The following TMEM132D variants were observed in gnomAD, a reference collection of about 807,000 sequenced individuals.
The protein encoded by TMEM132D is mature OL transmembrane protein.
In TMEM132D, 21 loss-of-function variants were observed where a neutral mutation model predicts 62.3. That is an observed-to-expected ratio of 0.34 (90% CI 0.24 to 0.49). TMEM132D has a LOEUF of 0.49. Ranked by LOEUF, TMEM132D falls within the 20% of genes least tolerant of loss-of-function variation. The probability of loss-of-function intolerance (pLI) is 0.99; values close to 1 mark genes in which losing one functional copy is unlikely to be tolerated. For missense variants in TMEM132D, 1,346 were observed against 1,402.8 expected, an observed-to-expected ratio of 0.96 and a Z score of 0.65; for synonymous variants, 621 against 575.6, an observed-to-expected ratio of 1.08 and a Z score of -1.13.
At chr12:129,693,157 T>G (rs1881103912) in intron 2 of TMEM132D, among the ~76,000 whole-genome samples, 1 of 152,244 alleles carries the variant, frequency 6.6e-6, no homozygotes, top group Non-Finnish European at 1.5e-5. Flanking sequence ...AACTAGATGC[T>G]TACTCACTAA....
intron 1 of TMEM132D, among the ~76,000 whole-genome samples, chr12:129,769,977 A>T (rs118001111): frequency 0.02 from 3,079 of 151,894 alleles, 152 homozygotes; most frequent in East Asian, 0.15. Context: ...CACCCGACGA[A>T]CGTTCTTTTA....
At chr12:129,256,224 T>C (rs143785114) in intron 4 of TMEM132D, among the ~76,000 whole-genome samples, 2 of 151,876 alleles carry the variant, frequency 1.3e-5, no homozygotes, top group East Asian at 3.9e-4. Flanking sequence ...GATTATACTA[T>C]CTGCAATCAT....
intron 3 of TMEM132D, among the ~76,000 whole-genome samples, chr12:129,528,191 A>G (rs924108541): frequency 2.0e-5 from 3 of 152,202 alleles, no homozygotes; most frequent in African/African-American, 7.2e-5. Context: ...ATATTATTAA[A>G]ACATCTACTC....
chr12:129,801,512 G>C (rs1411883848), intron 1 of TMEM132D, among the ~76,000 whole-genome samples: 1 of 151,418 alleles, frequency 6.6e-6, no homozygotes, highest in African/African-American at 2.4e-5. Context: ...AAACAGAAAG[G>C]ACATCCACAC....
intron 2 of TMEM132D, among the ~76,000 whole-genome samples, chr12:129,535,059 T>C (rs1876341801): frequency 6.6e-6 from 1 of 152,212 alleles, no homozygotes; most frequent in South Asian, 2.1e-4. Context: ...TGAACATCCA[T>C]TGCTGGTAAC....
At chr12:129,679,846 C>T (rs1880735965) in intron 2 of TMEM132D, among the ~76,000 whole-genome samples, 1 of 151,934 alleles carries the variant, frequency 6.6e-6, no homozygotes, top group East Asian at 1.9e-4. Flanking sequence ...ATTTTTGTCT[C>T]TTATATGCTT....
chr12:129,101,222 G>A (rs1472408960), intron 5 of TMEM132D, among the ~76,000 whole-genome samples: 4 of 152,242 alleles, frequency 2.6e-5, no homozygotes, highest in Non-Finnish European at 4.4e-5. Context: ...TGGCCCATTG[G>A]TTCATCCTGG....
At chr12:129,862,969 C>T (rs956452084) in intron 1 of TMEM132D, among the ~76,000 whole-genome samples, 4 of 152,156 alleles carry the variant, frequency 2.6e-5, no homozygotes, top group South Asian at 2.1e-4. Context: ...GGTGCAGTTC[C>T]GCCTTCCTCA....
At chr12:129,662,414 C>T (rs764576559) in intron 2 of TMEM132D, among the ~76,000 whole-genome samples, 6 of 152,280 alleles carry the variant, frequency 3.9e-5, no homozygotes, top group Non-Finnish European at 5.9e-5. Flanking sequence ...TTACTCACCA[C>T]GGCTAATGAC....
intron 3 of TMEM132D, among the ~76,000 whole-genome samples, chr12:129,451,170 A>G (rs1873276449): frequency 6.6e-6 from 1 of 152,138 alleles, no homozygotes; most frequent in East Asian, 1.9e-4. Context: ...AGAAATGCTC[A>G]ATTCATGGGC....
chr12:129,518,543 G>A (rs1307789939), intron 3 of TMEM132D, among the ~76,000 whole-genome samples: 2 of 79,492 alleles, frequency 2.5e-5, no homozygotes, highest in African/African-American at 3.5e-5. Context: ...ATACACATGT[G>A]CGTGTGTGTG....
At chr12:129,753,007 T>C (rs920135584) in intron 1 of TMEM132D, among the ~76,000 whole-genome samples, 1 of 152,224 alleles carries the variant, frequency 6.6e-6, no homozygotes, top group African/African-American at 2.4e-5. Context: ...ACAGATGTCC[T>C]CTGCCCTGTG....
intron 2 of TMEM132D, among the ~76,000 whole-genome samples, chr12:129,690,196 CAATT>C (rs1187224048): frequency 2.6e-5 from 4 of 151,766 alleles, no homozygotes; most frequent in Non-Finnish European, 4.4e-5. Context: ...TTTAGAGAAA[CAATT>C]AATATTTTAA....
intron 3 of TMEM132D, among the ~76,000 whole-genome samples, chr12:129,449,223 CTG>C (rs1873195418): frequency 6.6e-6 from 1 of 152,230 alleles, no homozygotes; most frequent in South Asian, 2.1e-4. Flanking sequence ...CTGGGGAAAA[CTG>C]TGTAAGCACT....
Position 129,147,199 on chromosome 12 carries a change from C to T in TMEM132D, c.1443+62321G>A, listed in dbSNP as rs186129600. On this transcript the variant is annotated intron_variant, in intron 5 of 8. Transcript: ENST00000422113. The stretch of plus-strand genomic sequence containing the variant: ...GTATATATATACACATATATATTTA[C>T]GTATATGTATACACATATACACATG... Among the ~76,000 whole-genome samples the T allele has an allele frequency of 1.9e-4, 28 of 147,808 alleles. No homozygotes were observed. In the East Asian group the frequency reaches 4.0e-3, roughly 21 times the overall value.
At chr12:129,313,557 G>A (rs2398457) in intron 4 of TMEM132D, among the ~76,000 whole-genome samples, 114,821 of 142,676 alleles carry the variant, frequency 0.8, 45,058 homozygotes, top group Non-Finnish European at 0.88. Context: ...ATATATATAT[G>A]TGTGTGTGTG....
At chr12:129,451,095 C>T (rs1283019580) in intron 3 of TMEM132D, among the ~76,000 whole-genome samples, 1 of 152,164 alleles carries the variant, frequency 6.6e-6, no homozygotes, top group African/African-American at 2.4e-5. Flanking sequence ...CCTCCTTGGG[C>T]TCTGGAAGTG....
chr12:129,201,317 T>C (rs912178783), intron 5 of TMEM132D, among the ~76,000 whole-genome samples: 2 of 152,180 alleles, frequency 1.3e-5, no homozygotes, highest in Non-Finnish European at 2.9e-5. Context: ...AGAGTGGCTC[T>C]CCCACCAGCT....
At chr12:129,210,167 C>T (rs1392689323) in intron 4 of TMEM132D, 7 of 156,858 alleles carry the variant, frequency 4.5e-5, no homozygotes, top group South Asian at 1.9e-4. Context: ...TAGGTCTAAA[C>T]GTGGACATGA....
Sources: gnomAD v4.1 joint callset for allele counts (sites outside exome capture counted in the v4.1 genomes callset) on GRCh38, gnomAD v4.1.1 for gene constraint, MANE v1.5 for transcripts, NCBI Gene and HGNC (gene_info 2026-07-23, HGNC 2026-07-21) for gene names.